KCNIP4: variants seen among roughly 807,000 people sequenced by gnomAD.
KCNIP4 encodes potassium voltage-gated channel interacting protein 4, also known as Kv channel-interacting protein 4.
In KCNIP4, 12 loss-of-function variants were observed where a neutral mutation model predicts 34.0. The observed-to-expected ratio is 0.35, with a 90% confidence interval of 0.23 to 0.57. The LOEUF is 0.57. Among genes scored for constraint, KCNIP4 ranks in the 20% least tolerant of loss-of-function variants. The probability of loss-of-function intolerance (pLI) is 0.83; values close to 1 mark genes in which losing one functional copy is unlikely to be tolerated. For missense variants in KCNIP4, 238 were observed against 311.7 expected (o/e 0.76, Z 1.78); for synonymous variants, 124 against 102.2 (o/e 1.21, Z -1.29).
chr4:20,996,929 T>C (rs1310260901), intron 1 of KCNIP4, among the ~76,000 whole-genome samples: 1 of 152,108 alleles, frequency 6.6e-6, no homozygotes, highest in Non-Finnish European at 1.5e-5. Context: ...GTTGAATGAA[T>C]GATGGCATAA....
chr4:20,735,118 C>T (rs6447977), intron 5 of KCNIP4, among the ~76,000 whole-genome samples: 1 of 151,690 alleles, frequency 6.6e-6, no homozygotes, highest in Non-Finnish European at 1.5e-5. Context: ...CAATGAAAAA[C>T]CGTTTGCTAA....
chr4:20,938,654 T>C (rs1731322038), intron 1 of KCNIP4, among the ~76,000 whole-genome samples: 2 of 152,302 alleles, frequency 1.3e-5, no homozygotes, highest in South Asian at 4.1e-4. Context: ...CACAAACTTC[T>C]CCAATGCCTC....
intron 1 of KCNIP4, among the ~76,000 whole-genome samples, chr4:21,217,272 A>G (rs1423350339): frequency 1.3e-5 from 2 of 152,194 alleles, no homozygotes; most frequent in Non-Finnish European, 2.9e-5. Flanking sequence ...CTCAATAATA[A>G]GAGTTGCTAC....
chr4:21,866,488 A>T (rs1329119522), intron 1 of KCNIP4, among the ~76,000 whole-genome samples: 2 of 152,182 alleles, frequency 1.3e-5, no homozygotes, highest in Non-Finnish European at 2.9e-5. Flanking sequence ...TGAAATGTAG[A>T]AGGAATTAGT....
intron 1 of KCNIP4, among the ~76,000 whole-genome samples, chr4:21,455,834 T>TTCC (rs1560422947): frequency 3.5e-5 from 4 of 114,708 alleles, no homozygotes; most frequent in African/African-American, 1.8e-4. Flanking sequence ...TATATATATA[T>TTCC]ATATATATAT....
chr4:21,133,593 C>T (rs953981916), intron 1 of KCNIP4, among the ~76,000 whole-genome samples: 29 of 152,216 alleles, frequency 1.9e-4, no homozygotes, highest in African/African-American at 5.5e-4. Context: ...TCTTCATCTT[C>T]CATCATCCTA....
chr4:21,651,028 G>A (rs570155393), intron 1 of KCNIP4, among the ~76,000 whole-genome samples: 145 of 152,222 alleles, frequency 9.5e-4, no homozygotes, highest in African/African-American at 3.4e-3. Context: ...TCAAATCTCT[G>A]TTACCATAAA....
chr4:20,794,406 A>T (rs2149407862), intron 3 of KCNIP4, among the ~76,000 whole-genome samples: 1 of 152,266 alleles, frequency 6.6e-6, no homozygotes, highest in Admixed American at 6.5e-5. Flanking sequence ...CAAGCTGTAG[A>T]CCAGTATCAG....
intron 1 of KCNIP4, among the ~76,000 whole-genome samples, chr4:21,192,920 T>C (rs62295280): frequency 5.4e-5 from 3 of 55,350 alleles, no homozygotes; most frequent in Non-Finnish European, 9.4e-5. Flanking sequence ...CCGTCTCTAC[T>C]ACTACTACTA....
intron 1 of KCNIP4, among the ~76,000 whole-genome samples, chr4:21,835,653 T>A (rs1251776240): frequency 6.6e-6 from 1 of 152,172 alleles, no homozygotes; most frequent in Non-Finnish European, 1.5e-5. Flanking sequence ...TTCCAACATT[T>A]ACAAATTAAA....
intron 1 of KCNIP4, among the ~76,000 whole-genome samples, chr4:21,221,308 G>A (rs1388787968): frequency 2.0e-5 from 3 of 152,144 alleles, no homozygotes; most frequent in Non-Finnish European, 4.4e-5. Context: ...GTGAGAACAT[G>A]TATTAATCCG....
At chr4:21,224,674 C>T (rs1160594320) in intron 1 of KCNIP4, among the ~76,000 whole-genome samples, 1 of 148,406 alleles carries the variant, frequency 6.7e-6, no homozygotes, top group East Asian at 2.0e-4. Context: ...GCAGCCTCCA[C>T]CTCCTGGGTT....
At chr4:20,860,826 T>TA (rs1722117013) in intron 2 of KCNIP4, among the ~76,000 whole-genome samples, 1 of 152,168 alleles carries the variant, frequency 6.6e-6, no homozygotes, top group Non-Finnish European at 1.5e-5. Flanking sequence ...TGAGAACTTC[T>TA]AGGATAAGGA....
At chr4:21,400,776 A>G (rs1005409654) in intron 1 of KCNIP4, among the ~76,000 whole-genome samples, 6 of 152,138 alleles carry the variant, frequency 3.9e-5, no homozygotes, top group Non-Finnish European at 5.9e-5. Context: ...TTAAAGCTGG[A>G]AGAGACCTTT....
chr4:21,110,106 A>G (rs1397684505), intron 1 of KCNIP4, among the ~76,000 whole-genome samples: 4 of 152,172 alleles, frequency 2.6e-5, no homozygotes, highest in Non-Finnish European at 4.4e-5. Context: ...CCATCTCTAA[A>G]GTAATCAGAT....
chr4:21,714,789 AT>A (rs1364392727), intron 1 of KCNIP4, among the ~76,000 whole-genome samples: 322 of 4,880 alleles, frequency 0.066, 11 homozygotes, highest in South Asian at 0.22. Flanking sequence ...CCCTTTGATT[AT>A]TTTATTTTAT....
At chr4:21,780,273 A>T (rs1262670467) in intron 1 of KCNIP4, among the ~76,000 whole-genome samples, 2 of 152,132 alleles carry the variant, frequency 1.3e-5, no homozygotes, top group African/African-American at 4.8e-5. Flanking sequence ...AAGCAATATG[A>T]TTTGCTTGCC....
Position 21,712,241 on chromosome 4 carries a change from A to G in KCNIP4, c.61+236330T>C, listed in dbSNP as rs543874585. On this transcript the variant is annotated intron_variant, in intron 1 of 8. Coordinates refer to ENST00000382152, the MANE Select transcript of KCNIP4 (RefSeq NM_025221.6). ...TTTTTAAAGAATATGATAACTTTAT[A>G]TTGGGTCCTAGATACCATACTGTAT... Among the ~76,000 whole-genome samples, 4 of 152,316 alleles carry G rather than the reference A, an allele frequency of 2.6e-5. No homozygotes were observed. In the South Asian group the frequency reaches 6.2e-4, roughly 24 times the overall value.
At chr4:21,572,637 T>TC (rs1740448453) in intron 1 of KCNIP4, among the ~76,000 whole-genome samples, 1 of 151,770 alleles carries the variant, frequency 6.6e-6, no homozygotes, top group African/African-American at 2.4e-5. Flanking sequence ...TCTCATCTTT[T>TC]TTTTTTTTTT....
Sources: gnomAD v4.1 joint callset for allele counts (sites outside exome capture counted in the v4.1 genomes callset) on GRCh38, gnomAD v4.1.1 for gene constraint, MANE v1.5 for transcripts, NCBI Gene and HGNC (gene_info 2026-07-23, HGNC 2026-07-21) for gene names.